The following GPC6 variants were observed in gnomAD, a reference collection of about 807,000 sequenced individuals.
GPC6 encodes the protein glypican 6.
Under a neutral mutation model 55.2 loss-of-function variants are expected in GPC6, and 14 were observed. The ratio of observed to expected loss-of-function variants is 0.25; its 90% CI spans 0.17 to 0.40. The LOEUF (loss-of-function observed/expected upper bound fraction) is 0.40. Among genes scored for constraint, GPC6 ranks in the 10% least tolerant of loss-of-function variants. The probability of loss-of-function intolerance (pLI) is 1.00; values close to 1 mark genes in which losing one functional copy is unlikely to be tolerated. For synonymous variants in GPC6, 278 were observed against 259.6 expected, an observed-to-expected ratio of 1.07 and a Z score of -0.68; for missense variants, 641 against 708.5, an observed-to-expected ratio of 0.90 and a Z score of 1.08.
At chr13:94,110,364 G>T (rs1041617354) in intron 4 of GPC6, among the ~76,000 whole-genome samples, 1 of 152,090 alleles carries the variant, frequency 6.6e-6, no homozygotes, top group African/African-American at 2.4e-5. Context: ...TTCCTAAACA[G>T]GGGACTAATA....
intron 2 of GPC6, among the ~76,000 whole-genome samples, chr13:93,690,807 A>G (rs540950264): frequency 6.9e-4 from 105 of 152,204 alleles, no homozygotes; most frequent in African/African-American, 2.4e-3. Context: ...TTTCAGTTTT[A>G]ATGAAGAGGT....
intron 2 of GPC6, among the ~76,000 whole-genome samples, chr13:93,568,940 T>C (rs1876267899): frequency 1.3e-5 from 2 of 152,150 alleles, no homozygotes; most frequent in Non-Finnish European, 2.9e-5. Context: ...TGGAGGTAGA[T>C]AGAGGATTGG....
intron 2 of GPC6, among the ~76,000 whole-genome samples, chr13:93,593,773 T>G (rs193231431): frequency 9.2e-5 from 14 of 152,304 alleles, no homozygotes; most frequent in African/African-American, 2.9e-4. Context: ...CAAAATATCT[T>G]AAATCATATA....
At chr13:94,216,688 A>T (rs1254054805) in intron 4 of GPC6, among the ~76,000 whole-genome samples, 1 of 152,094 alleles carries the variant, frequency 6.6e-6, no homozygotes, top group East Asian at 1.9e-4. Context: ...TGGCTCATTC[A>T]CACATAGTGG....
At position 94,382,456 on chromosome 13, in the gene GPC6, T is replaced by C. The variant is rs1351389607; in HGVS notation, c.1195T>C (p.Trp399Arg). ...KEKLKLSKKV[W>R]SALPYTICKD... ...GAAATTGAAGCTCTCTAAAAAGGTC[T>C]GGTCAGCATTACCCTACACTATCTG... is the stretch of plus-strand genomic sequence containing the variant. The change falls in exon 7 of 9, where the codon TGG (tryptophan) becomes CGG (arginine). Residue 399 changes from tryptophan (W) to arginine (R), a missense_variant. Coordinates refer to ENST00000377047, the MANE Select transcript of GPC6 (RefSeq NM_005708.5). 1 of 1,614,082 alleles carries C rather than the reference T, an allele frequency of 6.2e-7. No individual in the cohort carries two copies. Among genetic ancestry groups the C allele is most frequent in the South Asian group, 1.1e-5 (1 of 91,078 alleles).
chr13:94,171,006 G>A (rs1173800409), intron 4 of GPC6, among the ~76,000 whole-genome samples: 1 of 152,192 alleles, frequency 6.6e-6, no homozygotes, highest in Non-Finnish European at 1.5e-5. Flanking sequence ...TTGCTTATTT[G>A]TGTAGTCCCT....
intron 3 of GPC6, among the ~76,000 whole-genome samples, chr13:94,012,009 GCTGT>G (rs772437900): frequency 6.6e-6 from 1 of 152,080 alleles, no homozygotes; most frequent in Non-Finnish European, 1.5e-5. Flanking sequence ...TTGATGCAGT[GCTGT>G]CTTTTTTTCT....
chr13:94,355,777 T>C (rs1198319386), intron 6 of GPC6, among the ~76,000 whole-genome samples: 1 of 152,216 alleles, frequency 6.6e-6, no homozygotes, highest in Non-Finnish European at 1.5e-5. Flanking sequence ...TATAATTCTT[T>C]TTTTAACTTA....
intron 4 of GPC6, among the ~76,000 whole-genome samples, chr13:94,109,100 GAAA>G (rs1886154078): frequency 6.6e-6 from 1 of 152,148 alleles, no homozygotes; most frequent in South Asian, 2.1e-4. Context: ...ATCCCCTTGG[GAAA>G]ATTGCTTAAC....
chr13:94,280,542 T>C (rs111579463), intron 4 of GPC6, among the ~76,000 whole-genome samples: 6,275 of 152,312 alleles, frequency 0.041, 184 homozygotes, highest in Middle Eastern at 0.075. Flanking sequence ...GAGACAGCAG[T>C]GCCCCTAGTT....
intron 1 of GPC6, among the ~76,000 whole-genome samples, chr13:93,279,891 T>C (rs545065693): frequency 6.6e-6 from 1 of 152,192 alleles, no homozygotes; most frequent in Non-Finnish European, 1.5e-5. Context: ...GTATCTTAAA[T>C]GAATTGTTTG....
At chr13:93,714,325 T>C (rs1883175935) in intron 2 of GPC6, among the ~76,000 whole-genome samples, 1 of 151,672 alleles carries the variant, frequency 6.6e-6, no homozygotes, top group Admixed American at 6.6e-5. Context: ...AACAAACCTA[T>C]GAAAAAATGC....
chr13:93,894,926 C>T (rs1031075922), intron 3 of GPC6, among the ~76,000 whole-genome samples: 10 of 151,726 alleles, frequency 6.6e-5, no homozygotes, highest in East Asian at 3.9e-4. Context: ...TTCTGAAATA[C>T]GTATTTCTCA....
At chr13:93,508,884 G>A (rs1880833720) in intron 1 of GPC6, among the ~76,000 whole-genome samples, 2 of 152,174 alleles carry the variant, frequency 1.3e-5, no homozygotes, top group African/African-American at 4.8e-5. Flanking sequence ...TATGTGTTGA[G>A]CCTGGAAAAT....
chr13:93,300,543 G>A (rs550999114), intron 1 of GPC6, among the ~76,000 whole-genome samples: 1 of 151,630 alleles, frequency 6.6e-6, no homozygotes, highest in Admixed American at 6.6e-5. Context: ...AGCTACTTGG[G>A]AGGCTGAGGC....
intron 2 of GPC6, among the ~76,000 whole-genome samples, chr13:93,643,959 T>C (rs1356543903): frequency 6.6e-6 from 1 of 152,086 alleles, no homozygotes; most frequent in Non-Finnish European, 1.5e-5. Context: ...AGTGGTACAT[T>C]GAACTTCTGT....
At chr13:93,234,937 T>C (rs899258992) in intron 1 of GPC6, among the ~76,000 whole-genome samples, 4 of 152,118 alleles carry the variant, frequency 2.6e-5, no homozygotes, top group Non-Finnish European at 4.4e-5. Context: ...CTCTCAAAAG[T>C]GTAGAACTAT....
chr13:94,294,225 G>A (rs1875193847), intron 5 of GPC6, among the ~76,000 whole-genome samples: 1 of 151,994 alleles, frequency 6.6e-6, no homozygotes, highest in South Asian at 2.1e-4. Context: ...ACTATATTCG[G>A]AATAATTTCA....
chr13:94,172,249 A>T (rs1888596324), intron 4 of GPC6, among the ~76,000 whole-genome samples: 1 of 152,126 alleles, frequency 6.6e-6, no homozygotes, highest in African/African-American at 2.4e-5. Context: ...TTTTTCCCAA[A>T]TAAAAATGCG....
Sources: allele counts gnomAD v4.1 joint callset (sites outside exome capture counted in the v4.1 genomes callset), GRCh38; gene constraint gnomAD v4.1.1; transcripts MANE v1.5; gene names NCBI Gene and HGNC (gene_info 2026-07-23, HGNC 2026-07-21).